Variants in ADK observed in about 807,000 individuals in gnomAD.
ADK encodes adenosine kinase.
In ADK, 24 loss-of-function variants were observed where a neutral mutation model predicts 44.7. The observed-to-expected ratio is 0.54, with a 90% CI of 0.39 to 0.76. The LOEUF is 0.76. ADK is among the 30% of genes least tolerant of loss of function. The pLI, the probability that ADK is intolerant of heterozygous loss-of-function variation, is 0.00. For synonymous variants in ADK, 128 were observed against 142.6 expected (o/e 0.90, Z 0.73); for missense variants, 321 against 425.1 (o/e 0.76, Z 2.15).
chr10:74,233,621 A>G (rs996515867), intron 3 of ADK, among the ~76,000 whole-genome samples: 7 of 152,206 alleles, frequency 4.6e-5, no homozygotes, highest in Non-Finnish European at 7.3e-5. Context: ...CTCCTTCTTG[A>G]CATAGTTTAA....
At chr10:74,266,504 G>A (rs561392575) in intron 3 of ADK, among the ~76,000 whole-genome samples, 14 of 152,090 alleles carry the variant, frequency 9.2e-5, no homozygotes, top group Non-Finnish European at 1.5e-4. Context: ...TGCTGTGATC[G>A]GAGATCGCGC....
At position 74,443,704 on chromosome 10, in the gene ADK, A is replaced by G. The variant is rs536959299; in HGVS notation, c.555+45125A>G. ...CAATTTATATGTGAATTAGATCTCA[A>G]TAAAGCTTTTATTTTAAAAAATAGA... On this transcript the variant is annotated intron_variant, in intron 6 of 10. Coordinates refer to ENST00000539909, the MANE Select transcript of ADK (RefSeq NM_006721.4). Among the ~76,000 whole-genome samples, 15 of 152,288 alleles carry G rather than the reference A, an allele frequency of 9.8e-5. No individual in the cohort carries two copies. The East Asian group carries it at 2.7e-3, about 27-fold the overall frequency.
intron 1 of ADK, among the ~76,000 whole-genome samples, chr10:74,157,595 T>C (rs1295332749): frequency 6.6e-6 from 1 of 151,774 alleles, no homozygotes; most frequent in Non-Finnish European, 1.5e-5. Flanking sequence ...TTAACAAATA[T>C]GAGCTGGGCG....
At chr10:74,197,633 G>A (rs1466412811) in intron 1 of ADK, among the ~76,000 whole-genome samples, 2 of 151,560 alleles carry the variant, frequency 1.3e-5, no homozygotes, top group Non-Finnish European at 2.9e-5. Flanking sequence ...ATGAGGCAGA[G>A]GTTGCAGTGA....
intron 1 of ADK, among the ~76,000 whole-genome samples, chr10:74,185,202 C>T (rs1422451267): frequency 6.6e-6 from 1 of 152,158 alleles, no homozygotes; most frequent in Admixed American, 6.6e-5. Context: ...ATAATTTTAC[C>T]TAGTTTGGGG....
chr10:74,209,257 A>G (rs780800160), intron 2 of ADK, among the ~76,000 whole-genome samples: 27 of 152,192 alleles, frequency 1.8e-4, no homozygotes, highest in Non-Finnish European at 3.1e-4. Context: ...ATGTGAGGAC[A>G]CAGTGTTCCT....
intron 7 of ADK, among the ~76,000 whole-genome samples, chr10:74,564,124 A>G (rs1310695770): frequency 7.0e-6 from 1 of 142,508 alleles, no homozygotes; most frequent in Admixed American, 7.8e-5. Context: ...ATTCCCACCT[A>G]TGAGTGAGAA....
intron 6 of ADK, among the ~76,000 whole-genome samples, chr10:74,500,565 A>G (rs1019451084): frequency 2.0e-5 from 3 of 152,234 alleles, no homozygotes; most frequent in Non-Finnish European, 4.4e-5. Flanking sequence ...TTTGAGAACT[A>G]CTATCCTATG....
intron 4 of ADK, chr10:74,372,045 A>G (rs2131976983): frequency 2.6e-6 from 2 of 762,466 alleles, no homozygotes; most frequent in East Asian, 2.4e-5. Flanking sequence ...AGCTCACTCA[A>G]TGGGTTTGAT....
At chr10:74,518,297 T>G (rs1184157401) in intron 6 of ADK, among the ~76,000 whole-genome samples, 1 of 152,240 alleles carries the variant, frequency 6.6e-6, no homozygotes, top group African/African-American at 2.4e-5. Context: ...TCCTCATCAG[T>G]GCTAGTCTAG....
rs566390302 is a variant in ADK, at chr10:74,487,152, A to T, written c.556-38104A>T. On this transcript the variant is annotated intron_variant, in intron 6 of 10. Coordinates refer to ENST00000539909, the MANE Select transcript of ADK (RefSeq NM_006721.4). Reference sequence around the variant, plus strand: ...AAAGCCTCCAAAATCACTAATTTTTAAAAAATAATGCAGTTAAATATAGAA... The same window carrying T: ...AAAGCCTCCAAAATCACTAATTTTTTAAAAATAATGCAGTTAAATATAGAA... Among the ~76,000 whole-genome samples the T allele has an allele frequency of 1.7e-4, 26 of 152,238 alleles. 1 individual carries two copies. The East Asian group carries it at 1.9e-3, about 11-fold the overall frequency.
chr10:74,392,070 T>C (rs1843355795), intron 4 of ADK, among the ~76,000 whole-genome samples: 2 of 152,152 alleles, frequency 1.3e-5, no homozygotes, highest in African/African-American at 4.8e-5. Flanking sequence ...TTGATAGATG[T>C]CTGGGTTGCT....
intron 10 of ADK, among the ~76,000 whole-genome samples, chr10:74,673,663 A>G (rs1411951321): frequency 6.6e-6 from 1 of 152,208 alleles, no homozygotes; most frequent in African/African-American, 2.4e-5. Flanking sequence ...AGCTCAGTTG[A>G]GTGACCCTCC....
intron 10 of ADK, among the ~76,000 whole-genome samples, chr10:74,693,083 T>C (rs1856051153): frequency 1.3e-5 from 2 of 152,174 alleles, no homozygotes; most frequent in Non-Finnish European, 2.9e-5. Flanking sequence ...ATGGTGTATA[T>C]TATTATATTT....
intron 9 of ADK, among the ~76,000 whole-genome samples, chr10:74,658,215 A>G (rs763629266): frequency 7.2e-5 from 11 of 152,192 alleles, no homozygotes; most frequent in Admixed American, 2.6e-4. Context: ...TTGAGCCCCT[A>G]TAATATACCA....
At chr10:74,249,037 C>T (rs1378604720) in intron 3 of ADK, among the ~76,000 whole-genome samples, 1 of 152,132 alleles carries the variant, frequency 6.6e-6, no homozygotes, top group Non-Finnish European at 1.5e-5. Flanking sequence ...TTGCCACTAT[C>T]TATTTTTCAT....
At chr10:74,350,407 CA>C (rs1313410545) in intron 4 of ADK, among the ~76,000 whole-genome samples, 1 of 151,734 alleles carries the variant, frequency 6.6e-6, no homozygotes, top group Admixed American at 6.6e-5. Context: ...TAGGACACAC[CA>C]AAAGCAGTGT....
rs71024510 is a variant in ADK, at chr10:74,456,666, CAAAAAAAAAAAAAA to C, written c.555+58098_555+58111del. 2.9e-4 allele frequency among the ~76,000 whole-genome samples: 18 copies of C among 63,112 alleles called. No individual in the cohort carries two copies. The South Asian group carries it at 0.013, about 44-fold the overall frequency. The allele number at this position is 63,112 out of a possible 152,430, so 41.4% of individuals were successfully genotyped here. On this transcript the variant is annotated intron_variant, in intron 6 of 10. Coordinates refer to ENST00000539909, the MANE Select transcript of ADK (RefSeq NM_006721.4). Reference sequence around the variant, plus strand: ...TGGGCGACAGAGCGAGACTCCATCTCAAAAAAAAAAAAAAAAAAAAAAAACCTCACTGAAAACCA... The same window carrying C: ...TGGGCGACAGAGCGAGACTCCATCTCAAAAAAAAAACCTCACTGAAAACCA...
intron 4 of ADK, among the ~76,000 whole-genome samples, chr10:74,345,577 G>C (rs548978288): frequency 6.6e-6 from 1 of 152,058 alleles, no homozygotes; most frequent in African/African-American, 2.4e-5. Flanking sequence ...CAAAGTGCTG[G>C]GTTTACAGAT....
Sources: allele counts gnomAD v4.1 joint callset (sites outside exome capture counted in the v4.1 genomes callset), GRCh38; gene constraint gnomAD v4.1.1; transcripts MANE v1.5; gene names NCBI Gene and HGNC (gene_info 2026-07-23, HGNC 2026-07-21).